The following ERC1 variants were observed in gnomAD, a reference collection of about 807,000 sequenced individuals.
The protein encoded by ERC1 is RAB6 interacting protein 2.
ERC1 carries 56 observed loss-of-function variants against 132.0 expected under a neutral mutation model. The observed-to-expected ratio is 0.42, with a 90% CI of 0.34 to 0.53. The LOEUF is 0.53. Among genes scored for constraint, ERC1 ranks in the 20% least tolerant of loss-of-function variants. The pLI is 0.03. For missense variants in ERC1, 1,202 were observed against 1,349.9 expected (o/e 0.89, Z 1.72); for synonymous variants, 478 against 476.1 (o/e 1.00, Z -0.05).
At chr12:1,180,010 A>G (rs1954228135) in intron 8 of ERC1, among the ~76,000 whole-genome samples, 1 of 152,234 alleles carries the variant, frequency 6.6e-6, no homozygotes. Flanking sequence ...TAGATAAAAG[A>G]TGGTGTAAAA....
intron 15 of ERC1, among the ~76,000 whole-genome samples, chr12:1,338,307 C>G (rs1157828269): frequency 6.6e-6 from 1 of 152,190 alleles, no homozygotes; most frequent in Admixed American, 6.5e-5. Flanking sequence ...GAGACACTAT[C>G]CTCACCTTGG....
intron 2 of ERC1, among the ~76,000 whole-genome samples, chr12:1,050,990 T>C (rs7956944): frequency 0.44 from 66,035 of 151,566 alleles, 17,134 homozygotes; most frequent in East Asian, 0.79. Flanking sequence ...GGCAACAGAG[T>C]GAGACTCAGT....
chr12:1,196,976 AT>A (rs1172269593), intron 12 of ERC1, among the ~76,000 whole-genome samples: 892 of 73,224 alleles, frequency 0.012, 31 homozygotes, highest in East Asian at 0.025. Flanking sequence ...ATATATATAT[AT>A]TTTTTTTTTT....
At chr12:1,227,080 A>C (rs2074636793) in intron 12 of ERC1, among the ~76,000 whole-genome samples, 1 of 152,188 alleles carries the variant, frequency 6.6e-6, no homozygotes, top group Non-Finnish European at 1.5e-5. Context: ...CATTTTGGCT[A>C]TCGTGACTAA....
chr12:1,272,649 C>T (rs984894231), intron 14 of ERC1, among the ~76,000 whole-genome samples: 76 of 152,142 alleles, frequency 5.0e-4, no homozygotes, highest in African/African-American at 1.8e-3. Context: ...ATGGTCTTCT[C>T]ATAAAAAGAG....
intron 15 of ERC1, among the ~76,000 whole-genome samples, chr12:1,338,004 A>G (rs2083457006): frequency 6.6e-6 from 1 of 151,956 alleles, no homozygotes; most frequent in South Asian, 2.1e-4. Context: ...GAACCTTATG[A>G]TTATGTCTTG....
intron 17 of ERC1, chr12:1,443,359 C>T (rs1244218475): frequency 1.3e-5 from 2 of 152,002 alleles, no homozygotes; most frequent in Admixed American, 6.5e-5. Context: ...AATAAAGGAA[C>T]GTGGCAGGAG....
intron 13 of ERC1, among the ~76,000 whole-genome samples, chr12:1,245,160 C>A (rs1395531710): frequency 6.6e-6 from 1 of 152,168 alleles, no homozygotes. Context: ...GTAAAGAATA[C>A]TTATAACATG....
intron 18 of ERC1, among the ~76,000 whole-genome samples, chr12:1,483,905 G>A (rs2094144260): frequency 6.6e-6 from 1 of 151,614 alleles, no homozygotes; most frequent in Non-Finnish European, 1.5e-5. Flanking sequence ...TTTTGGCCAG[G>A]CTGGCCTCAA....
At chr12:1,433,982 A>G (rs1259124294) in intron 17 of ERC1, among the ~76,000 whole-genome samples, 3 of 150,968 alleles carry the variant, frequency 2.0e-5, no homozygotes, top group Admixed American at 6.6e-5. Flanking sequence ...CTGTCTCAAA[A>G]AAAAAAAAAA....
intron 7 of ERC1, among the ~76,000 whole-genome samples, chr12:1,138,981 A>T (rs190111566): frequency 6.6e-6 from 1 of 152,128 alleles, no homozygotes; most frequent in Non-Finnish European, 1.5e-5. Context: ...GCCGTGAGAG[A>T]GTGTGAAGTT....
At chr12:1,342,078 A>G (rs1000833109) in intron 15 of ERC1, among the ~76,000 whole-genome samples, 1 of 152,070 alleles carries the variant, frequency 6.6e-6, no homozygotes, top group Non-Finnish European at 1.5e-5. Context: ...ATATACTATA[A>G]TAATATAAAG....
At chr12:1,442,084 T>C (rs7965396) in intron 17 of ERC1, among the ~76,000 whole-genome samples, 41,700 of 152,040 alleles carry the variant, frequency 0.27, 10,472 homozygotes, top group African/African-American at 0.67. Flanking sequence ...CACGCCACCA[T>C]GCCCGACTAA....
At chr12:1,143,728 G>A (rs1203958668) in intron 8 of ERC1, among the ~76,000 whole-genome samples, 1 of 151,718 alleles carries the variant, frequency 6.6e-6, no homozygotes, top group African/African-American at 2.4e-5. Flanking sequence ...TGACAAGAAT[G>A]GGGTATATCT....
chr12:1,460,428 C>T (rs1565482812), intron 18 of ERC1, among the ~76,000 whole-genome samples: 1 of 152,178 alleles, frequency 6.6e-6, no homozygotes, highest in Non-Finnish European at 1.5e-5. Context: ...GGTGTTACCC[C>T]ATGAGCAGTG....
intron 14 of ERC1, among the ~76,000 whole-genome samples, chr12:1,271,305 AATAG>A (rs1440585813): frequency 7.2e-5 from 11 of 152,196 alleles, no homozygotes; most frequent in African/African-American, 2.4e-4. Flanking sequence ...GATAAAGAGA[AATAG>A]ATAGATTTAA....
chr12:1,228,484 A>G (rs896397359), intron 12 of ERC1, among the ~76,000 whole-genome samples: 3 of 152,138 alleles, frequency 2.0e-5, no homozygotes, highest in Admixed American at 6.6e-5. Flanking sequence ...GTCATTTGCA[A>G]ATAGAGACAG....
At chr12:1,213,333 C>A (rs1958053896) in intron 12 of ERC1, among the ~76,000 whole-genome samples, 2 of 152,158 alleles carry the variant, frequency 1.3e-5, no homozygotes, top group Admixed American at 1.3e-4. Flanking sequence ...TGTGGAAGAA[C>A]TAAACTCATC....
At position 1,440,601 on chromosome 12, in the gene ERC1, TGTGTGTGTGTG is replaced by T. The variant is rs1458155394; in HGVS notation, c.3025-3960_3025-3950del. On this transcript the variant is annotated intron_variant, in intron 17 of 18. Coordinates refer to ENST00000360905, the MANE Select transcript of ERC1 (RefSeq NM_178040.4). ...AAGCAATCCCCCTGCCTCAGCCTTTTGTGTGTGTGTGTGTGTGTGTGTGTGTGTGTGTGTGT... is the reference window on the plus strand; with the variant it reads ...AAGCAATCCCCCTGCCTCAGCCTTTTTGTGTGTGTGTGTGTGTGTGTGTGT... Among the ~76,000 whole-genome samples, 6 of 12,388 alleles carry T rather than the reference TGTGTGTGTGTG, an allele frequency of 4.8e-4. 1 individual carries two copies. Among genetic ancestry groups the T allele is most frequent in the African/African-American group, 1.2e-3 (6 of 5,170 alleles). The allele number at this position is 12,388 out of a possible 152,430, so 8.1% of individuals were successfully genotyped here. A position where few individuals can be genotyped will look rare whatever the true frequency, so the allele number is the denominator to read the frequency against.
Sources: gnomAD v4.1 joint callset for allele counts (sites outside exome capture counted in the v4.1 genomes callset) on GRCh38, gnomAD v4.1.1 for gene constraint, MANE v1.5 for transcripts, NCBI Gene and HGNC (gene_info 2026-07-23, HGNC 2026-07-21) for gene names.